ADCY6: variants seen among roughly 807,000 people sequenced by gnomAD.
ADCY6 encodes adenylate cyclase type 6.
ADCY6 carries 59 observed loss-of-function variants against 111.6 expected under a neutral mutation model. That is an observed-to-expected ratio of 0.53 (90% CI 0.43 to 0.66). The LOEUF is 0.66. Among genes scored for constraint, ADCY6 ranks in the 30% least tolerant of loss-of-function variants. The pLI is 0.00. For synonymous variants in ADCY6, 576 were observed against 642.9 expected, an observed-to-expected ratio of 0.90 and a Z score of 1.57; for missense variants, 1,242 against 1,595.6, an observed-to-expected ratio of 0.78 and a Z score of 3.78.
rs756995528 is a variant in ADCY6 at position 48,772,328 on chromosome 12, C to T, written c.2754G>A (p.Ser918=). The change falls in exon 18 of 22, where the codon TCG becomes TCA. Residue 918 remains serine, a synonymous_variant. Coordinates refer to ENST00000357869, the MANE Select transcript of ADCY6 (RefSeq NM_015270.5). ...TCCAGAGGAAGTCTAGGCGGGCAGT[C>T]GACTCCACCTGCTGAGCATGCAGAT... ...ALYLHAQQVE[S]TARLDFLWKL... The T allele has an allele frequency of 1.5e-5, 24 of 1,613,842 alleles. No individual in the cohort carries two copies. The highest frequency in any genetic ancestry group is 3.3e-5 in the Admixed American group (2 of 59,982).
At chr12:48,784,270 AAGG>A (rs1290442094) in intron 1 of ADCY6, 3 of 144,972 alleles carry the variant, frequency 2.1e-5, no homozygotes, top group African/African-American at 2.5e-5. Flanking sequence ...GGAAGGAAAA[AAGG>A]AGGGAGGGAG....
intron 3 of ADCY6, 35 bp downstream of exon 3, chr12:48,778,073 T>C (rs368878642): frequency 1.3e-5 from 20 of 1,581,226 alleles, no homozygotes; most frequent in Non-Finnish European, 1.7e-5. Context: ...GGGGGTAAGG[T>C]GGGGGCAGGC....
chr12:48,768,854 C>T (rs574371191), intron 21 of ADCY6, 83 bp downstream of exon 21: 1 of 1,553,600 alleles, frequency 6.4e-7, no homozygotes, highest in South Asian at 1.2e-5. Context: ...GCCACCCTAC[C>T]CCTGTCCTAG....
rs1941890407 is a variant in ADCY6, at chr12:48,783,013, T to C, written c.422A>G (p.Gln141Arg). 3 of 1,613,684 alleles carry C rather than the reference T, an allele frequency of 1.9e-6. No individual in the cohort carries two copies. The highest frequency in any genetic ancestry group is 1.6e-4 in the Middle Eastern group (1 of 6,062). The change falls in exon 2 of 22, where the codon CAG becomes CGG. Residue 141 changes from glutamine (Q) to arginine (R), a missense_variant. Around this residue, in one of 4 missense-constraint regions of ADCY6, gnomAD observed 362 missense variants for 377.2 expected, o/e 0.96. Coordinates refer to ENST00000357869, the MANE Select transcript of ADCY6 (RefSeq NM_015270.5). ...CTGGTTCATCTGGAAGAAGTACCGC[T>C]GGTACAGGCGCTCCAGCTTGGCCGA... is the stretch of plus-strand genomic sequence containing the variant. ...FRSAKLERLYQRYFFQMNQSS... is the reference protein window; with the variant it reads ...FRSAKLERLYRRYFFQMNQSS...
At position 48,775,911 on chromosome 12, in the gene ADCY6, T is replaced by C. The variant is rs183836882; in HGVS notation, c.1806+52A>G. The C allele has an allele frequency of 1.3e-5, 21 of 1,564,232 alleles. No individual in the cohort carries two copies. In the African/African-American group the frequency reaches 2.3e-4, roughly 17 times the overall value. On this transcript the variant is annotated intron_variant, in intron 9 of 21. Transcript: ENST00000357869. Reference sequence around the variant, plus strand: ...AAAGGACAGGGTCAGGGACAGGGTATTGAGGGAGCTAAGAAAATGAGGCCC... The same window carrying C: ...AAAGGACAGGGTCAGGGACAGGGTACTGAGGGAGCTAAGAAAATGAGGCCC...
chr12:48,772,141 G>A, intron 18 of ADCY6, 154 bp downstream of exon 18: 3 of 1,386,740 alleles, frequency 2.2e-6, no homozygotes, highest in Non-Finnish European at 2.9e-6. Context: ...AGAGGATGGG[G>A]CAGGGAGTAA....
At position 48,768,432 on chromosome 12, in the gene ADCY6, C is replaced by CAGA; in HGVS notation, c.*156_*158dup. On this transcript the variant is annotated 3_prime_UTR_variant, in exon 22 of 22. Transcript: ENST00000357869. ...AGCCCCTTGTTTTCCAGCTTGAGGGCAGACGAGCATGATCCAAGCACAGCC... is the reference window on the plus strand; with the variant it reads ...AGCCCCTTGTTTTCCAGCTTGAGGGCAGAAGACGAGCATGATCCAAGCACAGCC... The CAGA allele has an allele frequency of 2.9e-6, 3 of 1,040,878 alleles. No homozygotes were observed. Among genetic ancestry groups the CAGA allele is most frequent in the Non-Finnish European group, 4.2e-6 (3 of 706,050 alleles). The allele number at this position is 1,040,878 out of a possible 1,614,324, so 64.5% of individuals were successfully genotyped here. A position where few individuals can be genotyped will look rare whatever the true frequency, so the allele number is the denominator to read the frequency against.
intron 1 of ADCY6, chr12:48,783,758 T>C (rs1247467236): frequency 5.2e-6 from 2 of 385,272 alleles, no homozygotes; most frequent in African/African-American, 2.1e-5. Flanking sequence ...ACCTGGGCAA[T>C]ACAGCAAGAC....
At chr12:48,784,330 A>G (rs1029679283) in intron 1 of ADCY6, among the ~76,000 whole-genome samples, 1 of 151,506 alleles carries the variant, frequency 6.6e-6, no homozygotes, top group Admixed American at 6.6e-5. Context: ...AAAATAAAAT[A>G]AAATAAAATA....
At chr12:48,770,640 G>A (rs1941511220) in intron 20 of ADCY6, 126 bp downstream of exon 20, 3 of 898,816 alleles carry the variant, frequency 3.3e-6, no homozygotes, top group Non-Finnish European at 5.3e-6. Context: ...TGATATAGGA[G>A]GTCAGAGGGA....
chr12:48,769,948 A>G (rs1295471503), intron 20 of ADCY6, among the ~76,000 whole-genome samples: 7 of 151,578 alleles, frequency 4.6e-5, no homozygotes, highest in African/African-American at 1.5e-4. Flanking sequence ...TTTTTAGTAG[A>G]GACGGAATTT....
chr12:48,787,392 C>T (rs942767163), intron 1 of ADCY6, among the ~76,000 whole-genome samples: 4 of 152,142 alleles, frequency 2.6e-5, no homozygotes, highest in African/African-American at 9.7e-5. Flanking sequence ...AATGCATGAC[C>T]CTCCCAGGAA....
rs909557513 is a variant in ADCY6 at position 48,766,612 on chromosome 12, A to G, written c.*1979T>C. 3 of 152,656 alleles carry G rather than the reference A, an allele frequency of 2.0e-5. No homozygotes were observed. Among genetic ancestry groups the G allele is most frequent in the African/African-American group, 7.2e-5 (3 of 41,444 alleles). The allele number at this position is 152,656 out of a possible 1,614,324, so 9.5% of individuals were successfully genotyped here. A position where few individuals can be genotyped will look rare whatever the true frequency, so the allele number is the denominator to read the frequency against. On this transcript the variant is annotated 3_prime_UTR_variant, in exon 22 of 22. Coordinates refer to ENST00000357869, the MANE Select transcript of ADCY6 (RefSeq NM_015270.5). ...ACAAGTCTTTTCCCCTCCTTCTGCC[A>G]TGACTAATGAAGTACCTGATGGCCC...
At chr12:48,787,482 A>T (rs560281031) in intron 1 of ADCY6, among the ~76,000 whole-genome samples, 2 of 151,816 alleles carry the variant, frequency 1.3e-5, no homozygotes, top group Non-Finnish European at 2.9e-5. Context: ...CCTGGGCTCC[A>T]CTCCAGGCAC....
In ADCY6 at chr12:48,769,077, C is replaced by T; in HGVS notation, c.3257-16G>A. 1 of 1,601,006 alleles carries T rather than the reference C, an allele frequency of 6.2e-7. No homozygotes were observed. The highest frequency in any genetic ancestry group is 2.2e-5 in the East Asian group (1 of 44,616). Reference sequence around the variant, plus strand: ...ATGTTCAGCCCTGAGGTGGAGAGAACAGCAAGAGACTAGTGGATGCTCCAG... The same window carrying T: ...ATGTTCAGCCCTGAGGTGGAGAGAATAGCAAGAGACTAGTGGATGCTCCAG... On this transcript the variant is annotated splice_polypyrimidine_tract_variant and intron_variant, in intron 20 of 21. Coordinates refer to ENST00000357869, the MANE Select transcript of ADCY6 (RefSeq NM_015270.5).
At position 48,782,808 on chromosome 12, in the gene ADCY6, C is replaced by G. The variant is rs747782432; in HGVS notation, c.627G>C (p.Trp209Cys). ...NRHSFRQDSM[W>C]VVSYVVLGIL... ...TGCCCAGCACCACGTAGCTCACCAC[C>G]CACATGGAGTCCTGGCGGAAGCTAT... is the stretch of plus-strand genomic sequence containing the variant. Residue 209 changes from tryptophan to cysteine, a missense_variant, in exon 2 of 22, where the codon TGG becomes TGC. Trp to Cys is a radical substitution (Grantham distance 215, BLOSUM62 -2). Coordinates refer to ENST00000357869, the MANE Select transcript of ADCY6 (RefSeq NM_015270.5). The surrounding 1 kb of genome is among the most constrained non-coding windows in gnomAD (Gnocchi z 4.3). The G allele has an allele frequency of 6.2e-7, 1 of 1,614,014 alleles. No homozygotes were observed. The highest frequency in any genetic ancestry group is 1.7e-5 in the Admixed American group (1 of 60,012).
chr12:48,769,162 T>A, intron 20 of ADCY6, 101 bp from the exon 21 acceptor site: 1 of 1,278,308 alleles, frequency 7.8e-7, no homozygotes, highest in Non-Finnish European at 1.0e-6. Context: ...GAGAAAAAAA[T>A]GGAAAAAGGA....
chr12:48,774,833 T>C, intron 12 of ADCY6, 55 bp from the exon 13 acceptor site: 1 of 1,574,934 alleles, frequency 6.3e-7, no homozygotes, highest in Non-Finnish European at 8.7e-7. Flanking sequence ...CTGGGCATTC[T>C]TGTCCCACCC....
intron 1 of ADCY6, among the ~76,000 whole-genome samples, chr12:48,786,426 G>A (rs557046619): frequency 4.6e-5 from 7 of 152,184 alleles, no homozygotes; most frequent in African/African-American, 1.7e-4. Flanking sequence ...GAGTGCAGTG[G>A]CACAATCTCA....
Sources: allele counts gnomAD v4.1 joint callset (sites outside exome capture counted in the v4.1 genomes callset), GRCh38; gene constraint gnomAD v4.1.1; regional missense constraint gnomAD v4.1.1; non-coding constraint Gnocchi (gnomAD v3.1); transcripts MANE v1.5; gene names NCBI Gene and HGNC (gene_info 2026-07-23, HGNC 2026-07-21).